The following ZNF385D variants were observed in gnomAD, a reference collection of about 807,000 sequenced individuals.
The protein encoded by ZNF385D is zinc finger protein 385D, also known as zinc finger protein 659.
In ZNF385D, 15 loss-of-function variants were observed where a neutral mutation model predicts 35.8. That is an observed-to-expected ratio of 0.42 (90% confidence interval 0.28 to 0.64). ZNF385D has a LOEUF of 0.64. Ranked by LOEUF, ZNF385D falls within the 30% of genes least tolerant of loss-of-function variation. The pLI is 0.23. For synonymous variants in ZNF385D, 212 were observed against 186.8 expected (o/e 1.13, Z -1.10); for missense variants, 474 against 494.6 (o/e 0.96, Z 0.39).
intron 2 of ZNF385D, among the ~76,000 whole-genome samples, chr3:21,598,348 G>A (rs1005539218): frequency 6.6e-6 from 1 of 152,144 alleles, no homozygotes. Flanking sequence ...GTAGCTTTTA[G>A]CCTAATGAGT....
intron 1 of ZNF385D, among the ~76,000 whole-genome samples, chr3:21,746,619 T>C (rs2069782924): frequency 6.6e-6 from 1 of 152,202 alleles, no homozygotes; most frequent in Non-Finnish European, 1.5e-5. Flanking sequence ...AGGGGGACTT[T>C]AGACATAGAA....
At chr3:21,894,898 T>C (rs1699052997) in intron 3 of ZNF385D, among the ~76,000 whole-genome samples, 2 of 150,216 alleles carry the variant, frequency 1.3e-5, no homozygotes, top group South Asian at 4.3e-4. Flanking sequence ...AAGTGACCTC[T>C]ACCAGGAGCT....
At chr3:21,652,631 A>G (rs1235645727) in intron 2 of ZNF385D, among the ~76,000 whole-genome samples, 2 of 33,202 alleles carry the variant, frequency 6.0e-5, no homozygotes, top group Non-Finnish European at 1.3e-4. Flanking sequence ...CCCCTCCCCC[A>G]ACCCCACAAC....
At chr3:22,220,029 A>C (rs1362435615) in intron 2 of ZNF385D, among the ~76,000 whole-genome samples, 1 of 151,542 alleles carries the variant, frequency 6.6e-6, no homozygotes, top group Non-Finnish European at 1.5e-5. Flanking sequence ...TCTCATCTGG[A>C]AAGTTATGAT....
At chr3:22,121,114 A>G (rs745812961) in intron 3 of ZNF385D, among the ~76,000 whole-genome samples, 2 of 152,202 alleles carry the variant, frequency 1.3e-5, no homozygotes, top group African/African-American at 2.4e-5. Context: ...CTCTAAAACA[A>G]TGTGTTTTCA....
At chr3:21,553,437 C>T (rs1298716070) in intron 3 of ZNF385D, among the ~76,000 whole-genome samples, 1 of 152,066 alleles carries the variant, frequency 6.6e-6, no homozygotes, top group Non-Finnish European at 1.5e-5. Flanking sequence ...TATGCTATTG[C>T]TGAAAAATGC....
At chr3:22,321,914 A>G (rs1248605281) in intron 2 of ZNF385D, among the ~76,000 whole-genome samples, 2 of 152,062 alleles carry the variant, frequency 1.3e-5, no homozygotes, top group Admixed American at 1.3e-4. Context: ...TTTTTAAGAT[A>G]ATTATTTCTC....
intron 2 of ZNF385D, among the ~76,000 whole-genome samples, chr3:22,304,731 C>T (rs975785953): frequency 1.3e-5 from 2 of 151,924 alleles, no homozygotes; most frequent in African/African-American, 4.8e-5. Flanking sequence ...ATTTTTGTTG[C>T]TTATGTTGAA....
chr3:21,718,049 AG>A (rs2068392375), intron 1 of ZNF385D, among the ~76,000 whole-genome samples: 1 of 152,206 alleles, frequency 6.6e-6, no homozygotes, highest in African/African-American at 2.4e-5. Context: ...ATTTCTATCA[AG>A]CCCCCAGGTG....
chr3:21,514,039 A>C (rs1707401167), intron 3 of ZNF385D, among the ~76,000 whole-genome samples: 2 of 152,122 alleles, frequency 1.3e-5, no homozygotes, highest in African/African-American at 2.4e-5. Flanking sequence ...AGCCTAAGAA[A>C]GAATTTTACT....
At chr3:22,019,660 C>T (rs1310680252) in intron 3 of ZNF385D, among the ~76,000 whole-genome samples, 1 of 151,850 alleles carries the variant, frequency 6.6e-6, no homozygotes, top group Non-Finnish European at 1.5e-5. Context: ...ATGTTGAATA[C>T]CAGGATTCCA....
At chr3:21,819,021 A>G (rs990329184) in intron 3 of ZNF385D, among the ~76,000 whole-genome samples, 12 of 152,016 alleles carry the variant, frequency 7.9e-5, no homozygotes, top group Non-Finnish European at 1.0e-4. Flanking sequence ...ATTATTATGA[A>G]GCAATTGACA....
intron 3 of ZNF385D, among the ~76,000 whole-genome samples, chr3:21,873,969 A>G (rs1225284082): frequency 1.6e-5 from 2 of 121,950 alleles, no homozygotes; most frequent in Non-Finnish European, 3.5e-5. Flanking sequence ...GTATCTCTTC[A>G]AGATCCTGAT....
chr3:21,801,207 C>G (rs1007670421), intron 3 of ZNF385D, among the ~76,000 whole-genome samples: 3 of 152,032 alleles, frequency 2.0e-5, no homozygotes, highest in African/African-American at 7.3e-5. Context: ...TCTAAATAAG[C>G]TGTTGGATTT....
chr3:22,195,109 C>T (rs754040856), intron 2 of ZNF385D, among the ~76,000 whole-genome samples: 2 of 151,868 alleles, frequency 1.3e-5, no homozygotes, highest in African/African-American at 4.8e-5. Flanking sequence ...GTTCCAATTG[C>T]TCCCCATTGT....
chr3:22,151,841 C>G (rs2125720987), intron 3 of ZNF385D, among the ~76,000 whole-genome samples: 1 of 152,134 alleles, frequency 6.6e-6, no homozygotes, highest in Non-Finnish European at 1.5e-5. Flanking sequence ...TTCAATTTAC[C>G]TCACTCAGTA....
intron 2 of ZNF385D, among the ~76,000 whole-genome samples, chr3:22,342,025 C>T (rs1695443358): frequency 6.6e-6 from 1 of 151,942 alleles, no homozygotes; most frequent in Non-Finnish European, 1.5e-5. Context: ...TCTGTAATCC[C>T]AGCACTTTGG....
At chr3:21,553,931 A>G (rs1026367994) in intron 3 of ZNF385D, among the ~76,000 whole-genome samples, 12 of 152,202 alleles carry the variant, frequency 7.9e-5, no homozygotes, top group African/African-American at 2.9e-4. Context: ...TTCTCTTGCT[A>G]TTTCCACAAT....
At position 21,987,157 on chromosome 3, in the gene ZNF385D, A is replaced by C. The variant is rs376343266; in HGVS notation, c.325+181660T>G. On this transcript the variant is annotated intron_variant, in intron 3 of 5. Transcript: ENST00000494108. Reference sequence around the variant, plus strand: ...TCTGTGTCTTTTAATTGGAGAATTTAGTCCATTTACATTTAAAGTTAATAC... The same window carrying C: ...TCTGTGTCTTTTAATTGGAGAATTTCGTCCATTTACATTTAAAGTTAATAC... 1.7e-4 allele frequency among the ~76,000 whole-genome samples: 23 copies of C among 134,388 alleles called. 1 individual carries two copies. Among genetic ancestry groups the C allele is most frequent in the African/African-American group, 3.9e-4 (13 of 33,016 alleles). The allele number at this position is 134,388 out of a possible 152,430, so 88.2% of individuals were successfully genotyped here. A position where few individuals can be genotyped will look rare whatever the true frequency, so the allele number is the denominator to read the frequency against.
Sources: gnomAD v4.1 joint callset for allele counts (sites outside exome capture counted in the v4.1 genomes callset) on GRCh38, gnomAD v4.1.1 for gene constraint, MANE v1.5 for transcripts, NCBI Gene and HGNC (gene_info 2026-07-23, HGNC 2026-07-21) for gene names.